TMEM59: variants seen among roughly 807,000 people sequenced by gnomAD.
The protein encoded by TMEM59 is dendritic cell factor 1.
Under a neutral mutation model 42.2 loss-of-function variants are expected in TMEM59, and 44 were observed. That is an observed-to-expected ratio of 1.04 (90% CI 0.82 to 1.34). TMEM59 has a LOEUF of 1.34. Among genes scored for constraint, TMEM59 ranks in the 40% most tolerant of loss-of-function variants. The probability of loss-of-function intolerance (pLI) is 0.00; values close to 1 mark genes in which losing one functional copy is unlikely to be tolerated. For missense variants in TMEM59, 359 were observed against 382.8 expected (o/e 0.94, Z 0.52); for synonymous variants, 148 against 145.8 (o/e 1.02, Z -0.11).
intron 3 of TMEM59, among the ~76,000 whole-genome samples, chr1:54,045,327 C>T (rs1324263172): frequency 1.3e-5 from 2 of 152,016 alleles, no homozygotes; most frequent in Non-Finnish European, 2.9e-5. Context: ...AAAATACAGA[C>T]AAGAAATGAT....
At chr1:54,052,844 C>T (rs1657602319) in intron 1 of TMEM59, among the ~76,000 whole-genome samples, 156 bp downstream of exon 1, 2 of 152,138 alleles carry the variant, frequency 1.3e-5, no homozygotes, top group African/African-American at 2.4e-5. Flanking sequence ...AAATGGGGTG[C>T]AGGCAGGATT....
upstream of TMEM59, chr1:54,053,444 C>G: frequency 7.9e-6 from 4 of 509,218 alleles, no homozygotes; most frequent in Non-Finnish European, 1.4e-5. Context: ...GGCCTCCTGA[C>G]TTCTTCCCTT....
chr1:54,044,358 A>AAAAAAAC (rs1657253340), intron 3 of TMEM59: 1 of 151,082 alleles, frequency 6.6e-6, no homozygotes, highest in Non-Finnish European at 1.5e-5. Context: ...AAAAAAAAAA[A>AAAAAAAC]AAGGATTTTG....
chr1:54,050,566 C>CTT (rs1553168062), intron 1 of TMEM59, among the ~76,000 whole-genome samples: 12 of 141,412 alleles, frequency 8.5e-5, no homozygotes, highest in African/African-American at 1.5e-4. Context: ...AAATATGTTT[C>CTT]TTTTTTTTTT....
In TMEM59 at chr1:54,043,430, T is replaced by C; in HGVS notation, c.486A>G (p.Ile162Met). The C allele has an allele frequency of 6.3e-7, 1 of 1,584,336 alleles. No individual in the cohort carries two copies. Among genetic ancestry groups the C allele is most frequent in the South Asian group, 1.2e-5 (1 of 86,168 alleles). The change falls in exon 4 of 8, where the codon ATA (isoleucine) becomes ATG (methionine). Residue 162 changes from isoleucine to methionine, a missense_variant. By Grantham distance (10) the Ile-to-Met change is conservative. Transcript: ENST00000234831. ...SDMMDSAQSF[I>M]TSSWTFYLQA... ...GAAGATAAAAAGTCCATGAAGAGGT[T>C]ATGAAGCTCTGTGCGGAGTCCATCA... is the stretch of plus-strand genomic sequence containing the variant.
Position 54,043,435 on chromosome 1 carries a change from AG to A in TMEM59, c.480del (p.Phe161SerfsTer2). 1 of 1,584,022 alleles carries A rather than the reference AG, an allele frequency of 6.3e-7. No individual in the cohort carries two copies. The highest frequency in any genetic ancestry group is 8.6e-7 in the Non-Finnish European group (1 of 1,165,438). ...FWSDMMDSAQSFITSSWTFYL... is the reference protein window; with the variant it reads ...FWSDMMDSAQXFITSSWTFYL... Reference sequence around the variant, plus strand: ...TAAAAAGTCCATGAAGAGGTTATGAAGCTCTGTGCGGAGTCCATCATGTCAC... The same window carrying A: ...TAAAAAGTCCATGAAGAGGTTATGAACTCTGTGCGGAGTCCATCATGTCAC... On this transcript the variant is annotated frameshift_variant, in exon 4 of 8. Coordinates refer to ENST00000234831, the MANE Select transcript of TMEM59 (RefSeq NM_004872.5). LOFTEE classifies it high-confidence loss of function.
rs1656707439 is a variant in TMEM59, at chr1:54,029,774, T to A, written c.*2376A>T. 6.6e-6 allele frequency: 1 copy of A among 152,166 alleles called. No homozygotes were observed. 9.4% of individuals were successfully genotyped at this position (152,166 alleles called of 1,614,324 possible). On this transcript the variant is annotated 3_prime_UTR_variant, in exon 8 of 8. Transcript: ENST00000234831. The stretch of plus-strand genomic sequence containing the variant: ...CAATCCAGCTTCCCAAACAGAAGAC[T>A]ATATTTCCCATTATCTCAATCTTTA...
Position 54,053,144 on chromosome 1 carries a change from C to A in TMEM59, c.45G>T (p.Gly15=), listed in dbSNP as rs201800482. ...TGGTCAGCAGCAGCAGCGGCGGGAG[C>A]CCCAGTTGGGTCCTCACCCAGAGGC... ...KGSLWVRTQL[G]LPPLLLLTMA... The change falls in exon 1 of 8, where the codon GGG becomes GGT. Residue 15 remains glycine, a synonymous_variant. Coordinates refer to ENST00000234831, the MANE Select transcript of TMEM59 (RefSeq NM_004872.5). The A allele has an allele frequency of 1.2e-6, 2 of 1,614,242 alleles. No individual in the cohort carries two copies. The highest frequency in any genetic ancestry group is 1.7e-5 in the Admixed American group (1 of 60,036).
At position 54,027,388 on chromosome 1, in the gene TMEM59, A is replaced by G. The variant is rs1656632301; in HGVS notation, c.*4762T>C. The G allele has an allele frequency of 6.6e-6, 1 of 152,182 alleles. No homozygotes were observed. Among genetic ancestry groups the G allele is most frequent in the Non-Finnish European group, 1.5e-5 (1 of 68,044 alleles). The allele number at this position is 152,182 out of a possible 1,614,324, so 9.4% of individuals were successfully genotyped here. ...AAAACATTACTATGAGAGGGGGTCC[A>G]CAGGCTTCACTGGATCACTAAAAAG... On this transcript the variant is annotated 3_prime_UTR_variant, in exon 8 of 8. Transcript: ENST00000234831.
At chr1:54,050,566 CTTTT>C (rs1553168062) in intron 1 of TMEM59, among the ~76,000 whole-genome samples, 5 of 141,406 alleles carry the variant, frequency 3.5e-5, no homozygotes, top group Admixed American at 7.0e-5. Context: ...AAATATGTTT[CTTTT>C]TTTTTTTTTT....
Position 54,029,485 on chromosome 1 carries a change from T to G in TMEM59, c.*2665A>C, listed in dbSNP as rs1281270611. 6.6e-6 allele frequency: 1 copy of G among 152,130 alleles called. No individual in the cohort carries two copies. The highest frequency in any genetic ancestry group is 2.4e-5 in the African/African-American group (1 of 41,422). The allele number at this position is 152,130 out of a possible 1,614,324, so 9.4% of individuals were successfully genotyped here. A position where few individuals can be genotyped will look rare whatever the true frequency, so the allele number is the denominator to read the frequency against. Reference sequence around the variant, plus strand: ...CCAGATTCTCAAGATGCTTTCTGTGTGGTAGGAAATAAGATTATGACTGTT... The same window carrying G: ...CCAGATTCTCAAGATGCTTTCTGTGGGGTAGGAAATAAGATTATGACTGTT... On this transcript the variant is annotated 3_prime_UTR_variant, in exon 8 of 8. Transcript: ENST00000234831.
At chr1:54,036,549 T>C (rs1178401418) in intron 7 of TMEM59, 61 bp downstream of exon 7, 2 of 1,249,686 alleles carry the variant, frequency 1.6e-6, no homozygotes, top group African/African-American at 3.2e-5. Flanking sequence ...GCTAAACAAA[T>C]AAGGTGTTTA....
At chr1:54,052,944 G>C in intron 1 of TMEM59, 56 bp downstream of exon 1, 1 of 1,556,820 alleles carries the variant, frequency 6.4e-7, no homozygotes, top group Non-Finnish European at 8.7e-7. Context: ...TACGTGTGGG[G>C]AGCCGAGAAA....
intron 7 of TMEM59, among the ~76,000 whole-genome samples, chr1:54,032,562 G>A (rs993994080): frequency 2.0e-5 from 3 of 152,206 alleles, no homozygotes; most frequent in African/African-American, 7.2e-5. Context: ...AAACAGCTAT[G>A]GATGCCTTAA....
At chr1:54,053,564 A>T (rs149844719), upstream of TMEM59, 1,960 of 226,752 alleles carry the variant, frequency 8.6e-3, 19 homozygotes, top group Non-Finnish European at 9.1e-3. Flanking sequence ...TTCCGCCCGC[A>T]TTTCTTCGCA....
chr1:54,037,469 T>C (rs1181243336), intron 6 of TMEM59, among the ~76,000 whole-genome samples: 2 of 152,264 alleles, frequency 1.3e-5, no homozygotes, highest in Non-Finnish European at 2.9e-5. Flanking sequence ...CAAGCCATTC[T>C]CCCACCTGGA....
At chr1:54,044,966 A>T (rs181924695) in intron 3 of TMEM59, 3 of 152,362 alleles carry the variant, frequency 2.0e-5, no homozygotes, top group Non-Finnish European at 4.4e-5. Context: ...TGAGTGGCTA[A>T]GAGACAGGAG....
At chr1:54,045,401 A>G (rs1000259021) in intron 3 of TMEM59, 6 of 342,362 alleles carry the variant, frequency 1.8e-5, no homozygotes, top group African/African-American at 1.1e-4. Context: ...GAACTCTGAA[A>G]TAATTCCTCT....
chr1:54,044,860 A>G (rs564175079), intron 3 of TMEM59: 1 of 152,320 alleles, frequency 6.6e-6, no homozygotes, highest in Non-Finnish European at 1.5e-5. Flanking sequence ...GAAGCTCTTT[A>G]TGTATACTTA....
Sources: gnomAD v4.1 joint callset for allele counts (sites outside exome capture counted in the v4.1 genomes callset) on GRCh38, gnomAD v4.1.1 for gene constraint, MANE v1.5 for transcripts, NCBI Gene and HGNC (gene_info 2026-07-23, HGNC 2026-07-21) for gene names.